SLC7A11: variants seen among roughly 807,000 people sequenced by gnomAD.
The protein encoded by SLC7A11 is solute carrier family 7 member 11.
A neutral mutation model predicts 54.5 loss-of-function variants in SLC7A11; 35 were observed. The observed-to-expected ratio is 0.64, with a 90% CI of 0.49 to 0.85. SLC7A11 has a LOEUF of 0.85. Among genes scored for constraint, SLC7A11 ranks in the 40% least tolerant of loss-of-function variants. SLC7A11 has a pLI of 0.00. For missense variants in SLC7A11, 583 were observed against 618.1 expected, an observed-to-expected ratio of 0.94 and a Z score of 0.60; for synonymous variants, 230 against 225.2, an observed-to-expected ratio of 1.02 and a Z score of -0.19.
At chr4:138,215,462 C>T (rs1468059936) in intron 5 of SLC7A11, among the ~76,000 whole-genome samples, 3 of 152,064 alleles carry the variant, frequency 2.0e-5, no homozygotes, top group African/African-American at 4.8e-5. Flanking sequence ...TATAAAACCA[C>T]CTAAATTCAC....
At chr4:138,195,549 T>G (rs1177248076) in intron 6 of SLC7A11, among the ~76,000 whole-genome samples, 1 of 146,306 alleles carries the variant, frequency 6.8e-6, no homozygotes, top group African/African-American at 2.5e-5. Context: ...GGCATGCTGC[T>G]CCCCCTAGAT....
intron 4 of SLC7A11, among the ~76,000 whole-genome samples, chr4:138,222,617 C>T (rs996578670): frequency 9.9e-5 from 15 of 152,068 alleles, no homozygotes; most frequent in African/African-American, 3.4e-4. Flanking sequence ...AGCAAGTAAT[C>T]GCAGAAATGC....
Position 138,172,037 on chromosome 4 carries a change from A to C in SLC7A11, c.1445-20T>G. The stretch of plus-strand genomic sequence containing the variant: ...TTTTCTCTACAAAGAAATAAAAATG[A>C]ATTAAAAATGCATGGAAATCAGAAA... On this transcript the variant is annotated intron_variant, in intron 11 of 11. Coordinates refer to ENST00000280612, the MANE Select transcript of SLC7A11 (RefSeq NM_014331.4). 1 of 1,572,174 alleles carries C rather than the reference A, an allele frequency of 6.4e-7. No homozygotes were observed. Among genetic ancestry groups the C allele is most frequent in the African/African-American group, 1.4e-5 (1 of 72,478 alleles).
intron 6 of SLC7A11, among the ~76,000 whole-genome samples, chr4:138,193,858 T>G (rs1194547527): frequency 6.6e-6 from 1 of 152,144 alleles, no homozygotes; most frequent in Non-Finnish European, 1.5e-5. Context: ...TATGAATGAT[T>G]ATATAGGTAT....
intron 3 of SLC7A11, among the ~76,000 whole-genome samples, chr4:138,231,004 T>C (rs1738064172): frequency 6.6e-6 from 1 of 152,176 alleles, no homozygotes; most frequent in African/African-American, 2.4e-5. Flanking sequence ...GTCTTCTTAA[T>C]AAATTGAATA....
chr4:138,179,522 C>T (rs1201174323), intron 10 of SLC7A11, 128 bp from the exon 11 acceptor site: 1 of 686,646 alleles, frequency 1.5e-6, no homozygotes, highest in Middle Eastern at 2.7e-4. Context: ...AGGTAACAGG[C>T]ACCAACGTGC....
intron 4 of SLC7A11, among the ~76,000 whole-genome samples, chr4:138,220,871 T>C (rs990035085): frequency 6.6e-6 from 1 of 152,216 alleles, no homozygotes; most frequent in African/African-American, 2.4e-5. Context: ...ATAAATATAA[T>C]ATGTGTGAGT....
chr4:138,210,028 A>T (rs1034910000), intron 6 of SLC7A11, among the ~76,000 whole-genome samples: 3 of 152,050 alleles, frequency 2.0e-5, no homozygotes, highest in African/African-American at 7.2e-5. Flanking sequence ...ACAGAATGAT[A>T]CAGGTACAAA....
chr4:138,205,836 G>A (rs956052348), intron 6 of SLC7A11, among the ~76,000 whole-genome samples: 2 of 151,962 alleles, frequency 1.3e-5, no homozygotes, highest in Middle Eastern at 3.2e-3. Flanking sequence ...GATTATGGAA[G>A]GTATTTCTTT....
At chr4:138,177,332 T>C (rs933494201) in intron 11 of SLC7A11, 3 of 152,146 alleles carry the variant, frequency 2.0e-5, no homozygotes, top group Non-Finnish European at 4.4e-5. Flanking sequence ...AGAAAAAGTA[T>C]GAAAGCTATG....
intron 6 of SLC7A11, among the ~76,000 whole-genome samples, chr4:138,207,857 T>G (rs958522697): frequency 6.6e-6 from 1 of 152,132 alleles, no homozygotes. Flanking sequence ...TTCTTATGTT[T>G]TTTACTCAGG....
At chr4:138,183,399 T>G (rs1736795578) in intron 7 of SLC7A11, 94 bp from the exon 8 acceptor site, 1 of 764,872 alleles carries the variant, frequency 1.3e-6, no homozygotes, top group Non-Finnish European at 2.3e-6. Flanking sequence ...GACTTTCTAT[T>G]AGCCTGGTGA....
At chr4:138,216,175 T>C (rs774288564) in intron 5 of SLC7A11, among the ~76,000 whole-genome samples, 2 of 152,204 alleles carry the variant, frequency 1.3e-5, no homozygotes. Context: ...TTTTCCATGA[T>C]TGTGCATAAA....
At chr4:138,230,622 T>C (rs1738055007) in intron 3 of SLC7A11, among the ~76,000 whole-genome samples, 1 of 152,142 alleles carries the variant, frequency 6.6e-6, no homozygotes, top group Non-Finnish European at 1.5e-5. Flanking sequence ...CAATTCCAGG[T>C]TGTTTCCCTC....
At chr4:138,229,031 A>T (rs975393617) in intron 3 of SLC7A11, among the ~76,000 whole-genome samples, 1 of 152,190 alleles carries the variant, frequency 6.6e-6, no homozygotes, top group Admixed American at 6.5e-5. Flanking sequence ...ATGGTTGGCT[A>T]ACATTTCACA....
In SLC7A11 at chr4:138,242,316, T is replaced by G. The variant is rs1008504529; in HGVS notation, c.-247A>C. ...CACCTCCTCGTTCCACCACTGCTGC[T>G]GCTGCTGCTGCTGCCGCCCTATCAT... is the stretch of plus-strand genomic sequence containing the variant. On this transcript the variant is annotated 5_prime_UTR_variant, in exon 1 of 12. Transcript: ENST00000280612. 1 of 528,024 alleles carries G rather than the reference T, an allele frequency of 1.9e-6. No individual in the cohort carries two copies. Among genetic ancestry groups the G allele is most frequent in the African/African-American group, 1.9e-5 (1 of 52,250 alleles). The allele number at this position is 528,024 out of a possible 1,614,324, so 32.7% of individuals were successfully genotyped here. A position where few individuals can be genotyped will look rare whatever the true frequency, so the allele number is the denominator to read the frequency against.
At chr4:138,236,619 C>T (rs1193951445) in intron 1 of SLC7A11, among the ~76,000 whole-genome samples, 168 bp from the exon 2 acceptor site, 1 of 152,132 alleles carries the variant, frequency 6.6e-6, no homozygotes, top group African/African-American at 2.4e-5. Context: ...TGCTAAGACC[C>T]GCCAAGTTCC....
At chr4:138,219,235 C>G in intron 5 of SLC7A11, 31 bp downstream of exon 5, 1 of 1,312,238 alleles carries the variant, frequency 7.6e-7, no homozygotes, top group Non-Finnish European at 1.1e-6. Context: ...ATGAACTACG[C>G]AAACCACCAG....
rs1736436136 is a variant in SLC7A11, at chr4:138,171,947, T to C, written c.*9A>G. 2 of 1,584,988 alleles carry C rather than the reference T, an allele frequency of 1.3e-6. No individual in the cohort carries two copies. The highest frequency in any genetic ancestry group is 8.5e-7 in the Non-Finnish European group (1 of 1,170,582). ...TTGGGCAGATTGCCAAGATCTCAAG[T>C]CCATTAGTTCATAACTTATCTTCTT... is the stretch of plus-strand genomic sequence containing the variant. On this transcript the variant is annotated 3_prime_UTR_variant, in exon 12 of 12. Transcript: ENST00000280612.
Sources: allele counts gnomAD v4.1 joint callset (sites outside exome capture counted in the v4.1 genomes callset), GRCh38; gene constraint gnomAD v4.1.1; transcripts MANE v1.5; gene names NCBI Gene and HGNC (gene_info 2026-07-23, HGNC 2026-07-21).